CCDC80: variants seen among roughly 807,000 people sequenced by gnomAD.
The protein encoded by CCDC80 is coiled-coil domain-containing protein 80.
A neutral mutation model predicts 78.7 loss-of-function variants in CCDC80; 49 were observed. The ratio of observed to expected loss-of-function variants is 0.62; its 90% confidence interval spans 0.50 to 0.79. CCDC80 has a LOEUF of 0.79. CCDC80 is among the 30% of genes least tolerant of loss of function. The pLI is 0.00. For synonymous variants in CCDC80, 488 were observed against 447.0 expected, an observed-to-expected ratio of 1.09 and a Z score of -1.16; for missense variants, 1,205 against 1,198.6, an observed-to-expected ratio of 1.01 and a Z score of -0.08.
rs932966982 is a variant in CCDC80 at position 112,597,200 on chromosome 3, A to G, written c.*8217T>C. 1 of 152,192 alleles carries G rather than the reference A, an allele frequency of 6.6e-6. No homozygotes were observed. 9.4% of individuals were successfully genotyped at this position (152,192 alleles called of 1,614,324 possible). A position where few individuals can be genotyped will look rare whatever the true frequency, so the allele number is the denominator to read the frequency against. On this transcript the variant is annotated 3_prime_UTR_variant, in exon 8 of 8. Coordinates refer to ENST00000206423, the MANE Select transcript of CCDC80 (RefSeq NM_199511.3). ...CATTCTGATGACCCCAGAGATTATG[A>G]CAGTGTTTTCTGGTCTAATTAAACC...
At position 112,638,455 on chromosome 3, in the gene CCDC80, G is replaced by T; in HGVS notation, c.1451C>A (p.Pro484His). The change falls in exon 2 of 8, where the codon CCT (proline) becomes CAT (histidine). Residue 484 changes from proline to histidine, a missense_variant. Physicochemically the swap from Pro to His is moderately conservative, Grantham distance 77. Coordinates refer to ENST00000206423, the MANE Select transcript of CCDC80 (RefSeq NM_199511.3). ...AGGTTTCTCCTTTGCTGGCTTGGGA[G>T]GACCTGGCACCACATTTGGGTCTCG... ...GHRDPNVVPG[P>H]PKPAKEKPPK... 1 of 1,613,498 alleles carries T rather than the reference G, an allele frequency of 6.2e-7. No homozygotes were observed. Among genetic ancestry groups the T allele is most frequent in the Non-Finnish European group, 8.5e-7 (1 of 1,179,950 alleles).
At chr3:112,612,483 C>T (rs1559875713) in intron 5 of CCDC80, among the ~76,000 whole-genome samples, 3 of 152,182 alleles carry the variant, frequency 2.0e-5, no homozygotes. Context: ...CACAGACCTT[C>T]ACATTAAGAT....
At position 112,630,109 on chromosome 3, in the gene CCDC80, G is replaced by T; in HGVS notation, c.2035+4C>A. The stretch of plus-strand genomic sequence containing the variant: ...AATAATATAATTAAAATGTTTAAGA[G>T]AACCTAGCTGAAAGTGGTCGATTTT... On this transcript the variant is annotated splice_donor_region_variant and intron_variant, in intron 3 of 7. Transcript: ENST00000206423. 4 of 1,613,056 alleles carry T rather than the reference G, an allele frequency of 2.5e-6. No homozygotes were observed. Among genetic ancestry groups the T allele is most frequent in the African/African-American group, 1.3e-5 (1 of 74,990 alleles).
Position 112,638,495 on chromosome 3 carries a change from G to T in CCDC80, c.1411C>A (p.Arg471=). 1 of 1,611,730 alleles carries T rather than the reference G, an allele frequency of 6.2e-7. No individual in the cohort carries two copies. Among genetic ancestry groups the T allele is most frequent in the Non-Finnish European group, 8.5e-7 (1 of 1,179,320 alleles). ...GRFRDNRMDR[R]EHGHRDPNVV... ...TTTGGGTCTCGGTGGCCATGTTCCC[G>T]CCTGTCCATGCGGTTGTCCCGGAAA... is the stretch of plus-strand genomic sequence containing the variant. Residue 471 remains arginine, a synonymous_variant, in exon 2 of 8, where the codon CGG becomes AGG. Coordinates refer to ENST00000206423, the MANE Select transcript of CCDC80 (RefSeq NM_199511.3).
In CCDC80 at chr3:112,598,529, A is replaced by C. The variant is rs995081929; in HGVS notation, c.*6888T>G. On this transcript the variant is annotated 3_prime_UTR_variant, in exon 8 of 8. Coordinates refer to ENST00000206423, the MANE Select transcript of CCDC80 (RefSeq NM_199511.3). ...CCATGGGCAGTCTTAGCTATTTAAA[A>C]TCACCCACTTCTTCATCCGGCTCCC... The C allele has an allele frequency of 3.9e-5, 6 of 152,298 alleles. No individual in the cohort carries two copies. The highest frequency in any genetic ancestry group is 8.8e-5 in the Non-Finnish European group (6 of 68,142). The allele number at this position is 152,298 out of a possible 1,614,324, so 9.4% of individuals were successfully genotyped here.
At chr3:112,632,836 C>T (rs1448198169) in intron 2 of CCDC80, among the ~76,000 whole-genome samples, 3 of 152,184 alleles carry the variant, frequency 2.0e-5, no homozygotes, top group African/African-American at 7.2e-5. Flanking sequence ...TCCGGCCCTC[C>T]ACGTTCTGGC....
intron 2 of CCDC80, among the ~76,000 whole-genome samples, chr3:112,633,779 C>T (rs559101800): frequency 1.3e-5 from 2 of 152,314 alleles, no homozygotes; most frequent in East Asian, 3.9e-4. Flanking sequence ...TTTGACATCT[C>T]CATCCCATTC....
intron 6 of CCDC80, among the ~76,000 whole-genome samples, chr3:112,607,931 A>G (rs1935547852): frequency 6.6e-6 from 1 of 152,258 alleles, no homozygotes; most frequent in African/African-American, 2.4e-5. Flanking sequence ...ATGGTTAAAG[A>G]AATTGAAATT....
rs1936326055 is a variant in CCDC80, at chr3:112,640,888, T to A, written c.-573A>T. ...GTCGAAAAGGGACTTTTTTTTTCTTTCACTGTGCTTCTCTCCTCCCTTTAT... is the reference window on the plus strand; with the variant it reads ...GTCGAAAAGGGACTTTTTTTTTCTTACACTGTGCTTCTCTCCTCCCTTTAT... On this transcript the variant is annotated 5_prime_UTR_variant, in exon 1 of 8. Transcript: ENST00000206423. 6.6e-6 allele frequency: 1 copy of A among 152,206 alleles called. No individual in the cohort carries two copies. The highest frequency in any genetic ancestry group is 2.4e-5 in the African/African-American group (1 of 41,434). 9.4% of individuals were successfully genotyped at this position (152,206 alleles called of 1,614,324 possible).
chr3:112,632,591 T>G (rs1362111443), intron 2 of CCDC80, among the ~76,000 whole-genome samples: 1 of 152,160 alleles, frequency 6.6e-6, no homozygotes. Flanking sequence ...CTCCCCCTTG[T>G]GTATATTAAG....
Position 112,605,778 on chromosome 3 carries a change from G to A in CCDC80, c.2507-15C>T, listed in dbSNP as rs761299917. On this transcript the variant is annotated splice_polypyrimidine_tract_variant and intron_variant, in intron 7 of 7. Transcript: ENST00000206423. The stretch of plus-strand genomic sequence containing the variant: ...AACAGAGCTCCCTAGAATAACATTG[G>A]AATAGTTATTGTTAGTAGATTAAAC... 8 of 1,585,042 alleles carry A rather than the reference G, an allele frequency of 5.0e-6. No homozygotes were observed. In the South Asian group the frequency reaches 9.0e-5, roughly 18 times the overall value.
rs778666325 is a variant in CCDC80 at position 112,639,213 on chromosome 3, G to C, written c.693C>G (p.Gly231=). 6.2e-7 allele frequency: 1 copy of C among 1,614,150 alleles called. No individual in the cohort carries two copies. Among genetic ancestry groups the C allele is most frequent in the South Asian group, 1.1e-5 (1 of 91,078 alleles). The part of the protein sequence containing the change: ...KLMSFLKLEK[G]KFGMVLLKKT... Reference sequence around the variant, plus strand: ...TCTTCAGCAGCACCATGCCAAACTTGCCCTTCTCCAGCTTCAGGAAGCTCA... The same window carrying C: ...TCTTCAGCAGCACCATGCCAAACTTCCCCTTCTCCAGCTTCAGGAAGCTCA... The change falls in exon 2 of 8, where the codon GGC becomes GGG. Residue 231 remains glycine, a synonymous_variant. Transcript: ENST00000206423.
In CCDC80 at chr3:112,635,753, T is replaced by TG. The variant is rs576755127; in HGVS notation, c.1878+2274dup. Among the ~76,000 whole-genome samples, 474 of 152,336 alleles carry TG rather than the reference T, an allele frequency of 3.1e-3. 6 individuals are homozygous for TG. The highest frequency in any genetic ancestry group is 0.01 in the African/African-American group (422 of 41,574). ...TCTCACTAGGCCAAAGAACCAACAC[T>TG]GCCAGGAGCAATTCCAGCTGGTTTC... On this transcript the variant is annotated intron_variant, in intron 2 of 7. Coordinates refer to ENST00000206423, the MANE Select transcript of CCDC80 (RefSeq NM_199511.3).
At chr3:112,620,504 T>C (rs972119542) in intron 3 of CCDC80, among the ~76,000 whole-genome samples, 5 of 152,156 alleles carry the variant, frequency 3.3e-5, no homozygotes, top group Admixed American at 3.3e-4. Flanking sequence ...TAAATATATC[T>C]TGTTGAGTAT....
intron 3 of CCDC80, among the ~76,000 whole-genome samples, chr3:112,628,956 A>C (rs1936036244): frequency 6.6e-6 from 1 of 152,152 alleles, no homozygotes; most frequent in South Asian, 2.1e-4. Flanking sequence ...TGTGCACTTA[A>C]AAATGTATTA....
intron 3 of CCDC80, among the ~76,000 whole-genome samples, chr3:112,628,153 T>C (rs1299306687): frequency 6.6e-6 from 1 of 152,232 alleles, no homozygotes; most frequent in Non-Finnish European, 1.5e-5. Context: ...CTGGATTGAA[T>C]ACTTACTTCC....
chr3:112,638,174 G>C lies in CCDC80; in HGVS notation c.1732C>G (p.Gln578Glu). Residue 578 changes from glutamine to glutamate, a missense_variant, in exon 2 of 8, where the codon CAA (glutamine) becomes GAA (glutamate). Coordinates refer to ENST00000206423, the MANE Select transcript of CCDC80 (RefSeq NM_199511.3). ...TTCTTCTTGCTCTTCTCTTTCTCTT[G>C]CTTGCTCTTTTTCTCAGACTTCTTC... is the stretch of plus-strand genomic sequence containing the variant. ...QMKKSEKKSK[Q>E]EKEKSKKKKG... 6.2e-7 allele frequency: 1 copy of C among 1,613,468 alleles called. No individual in the cohort carries two copies. The highest frequency in any genetic ancestry group is 8.5e-7 in the Non-Finnish European group (1 of 1,179,522).
chr3:112,616,281 GCA>G (rs1228592188), intron 5 of CCDC80, among the ~76,000 whole-genome samples: 1 of 152,038 alleles, frequency 6.6e-6, no homozygotes, highest in African/African-American at 2.4e-5. Context: ...GGAAAATCAA[GCA>G]CAGTGTGCCA....
intron 2 of CCDC80, among the ~76,000 whole-genome samples, chr3:112,632,059 C>T (rs917547349): frequency 3.3e-5 from 5 of 152,124 alleles, no homozygotes. Flanking sequence ...CATTGATTCA[C>T]ATTAGCCTTA....
Sources: allele counts gnomAD v4.1 joint callset (sites outside exome capture counted in the v4.1 genomes callset), GRCh38; gene constraint gnomAD v4.1.1; transcripts MANE v1.5; gene names NCBI Gene and HGNC (gene_info 2026-07-23, HGNC 2026-07-21).